The following SOAT1 variants were observed in gnomAD, a reference collection of about 807,000 sequenced individuals.
The protein encoded by SOAT1 is sterol O-acyltransferase 1.
Under a neutral mutation model 69.5 loss-of-function variants are expected in SOAT1, and 55 were observed. That is an observed-to-expected ratio of 0.79 (90% CI 0.64 to 0.99). SOAT1 has a LOEUF of 0.99. Ranked by LOEUF, SOAT1 falls within the 50% of genes least tolerant of loss-of-function variation. The pLI is 0.00. For missense variants in SOAT1, 580 were observed against 669.3 expected (o/e 0.87, Z 1.47); for synonymous variants, 231 against 224.7 (o/e 1.03, Z -0.25).
rs1362414322 is a variant in SOAT1 at position 179,342,165 on chromosome 1, G to A, written c.832G>A (p.Val278Ile). The A allele has an allele frequency of 9.9e-6, 16 of 1,613,232 alleles. No homozygotes were observed. The highest frequency in any genetic ancestry group is 1.3e-5 in the Non-Finnish European group (15 of 1,179,540). ...ATTTGTCAGAGAGAACGTGCCTCGG[G>A]TACTAAATTCAGCTAAGGAGAAATC... is the stretch of plus-strand genomic sequence containing the variant. ...HSFVRENVPR[V>I]LNSAKEKSST... The change falls in exon 8 of 16, where the codon GTA (valine) becomes ATA (isoleucine). Residue 278 changes from valine to isoleucine, a missense_variant. Transcript: ENST00000367619.
chr1:179,326,684 A>G (rs1665805689), intron 3 of SOAT1, among the ~76,000 whole-genome samples: 1 of 149,780 alleles, frequency 6.7e-6, no homozygotes, highest in South Asian at 2.1e-4. Context: ...AACCCTCCCC[A>G]GCAGCTGAGA....
At chr1:179,336,441 T>C (rs1277535742) in intron 4 of SOAT1, among the ~76,000 whole-genome samples, 1 of 123,066 alleles carries the variant, frequency 8.1e-6, no homozygotes, top group Non-Finnish European at 1.6e-5. Context: ...GCCACTGCAC[T>C]CCAGCCTGGG....
At chr1:179,327,127 C>T (rs1295142018) in intron 3 of SOAT1, among the ~76,000 whole-genome samples, 1 of 152,172 alleles carries the variant, frequency 6.6e-6, no homozygotes, top group Non-Finnish European at 1.5e-5. Context: ...TAATTGGTCA[C>T]ATTTTTTTAG....
chr1:179,340,770 AT>A (rs1171677898), intron 6 of SOAT1, among the ~76,000 whole-genome samples: 2 of 151,674 alleles, frequency 1.3e-5, no homozygotes. Flanking sequence ...TGAAGACTGT[AT>A]TTATCTTAGG....
At position 179,309,083 on chromosome 1, in the gene SOAT1, T is replaced by C. The variant is rs192213067; in HGVS notation, c.118+6281T>C. 5.0e-3 allele frequency among the ~76,000 whole-genome samples: 768 copies of C among 152,258 alleles called. 6 individuals carry two copies. The highest frequency in any genetic ancestry group is 0.032 in the South Asian group (156 of 4,832). On this transcript the variant is annotated intron_variant, in intron 2 of 15. Coordinates refer to ENST00000367619, the MANE Select transcript of SOAT1 (RefSeq NM_003101.6). ...TTGCTTACTTGTACTGGTATACCTATAGGATACATTCTTTTTTTGAGACGG... is the reference window on the plus strand; with the variant it reads ...TTGCTTACTTGTACTGGTATACCTACAGGATACATTCTTTTTTTGAGACGG...
chr1:179,339,579 T>C, intron 6 of SOAT1, 34 bp downstream of exon 6: 1 of 1,409,824 alleles, frequency 7.1e-7, no homozygotes, highest in Non-Finnish European at 9.9e-7. Flanking sequence ...GGCTAGTTGA[T>C]GCATGAGAAG....
chr1:179,350,242 A>T, intron 13 of SOAT1, 54 bp from the exon 14 acceptor site: 32 of 1,489,578 alleles, frequency 2.1e-5, no homozygotes, highest in Non-Finnish European at 2.8e-5. Context: ...TATATAATCC[A>T]TGCTTGCTTT....
Position 179,347,591 on chromosome 1 carries a change from T to C in SOAT1, c.1118-9T>C. 1 of 1,565,444 alleles carries C rather than the reference T, an allele frequency of 6.4e-7. No homozygotes were observed. Among genetic ancestry groups the C allele is most frequent in the African/African-American group, 1.4e-5 (1 of 73,868 alleles). On this transcript the variant is annotated splice_polypyrimidine_tract_variant and intron_variant, in intron 11 of 15. Coordinates refer to ENST00000367619, the MANE Select transcript of SOAT1 (RefSeq NM_003101.6). ...GAAAGACTGTTAATATTGTTAATCT[T>C]ATTTTTAGGTGTGCTGATTCTCTTC...
chr1:179,305,539 A>G (rs1571405955), intron 2 of SOAT1, among the ~76,000 whole-genome samples: 1 of 152,048 alleles, frequency 6.6e-6, no homozygotes, highest in Admixed American at 6.6e-5. Context: ...TGATGCTGCT[A>G]TGAACATTTG....
chr1:179,352,776 CT>C (rs112734165), intron 15 of SOAT1, among the ~76,000 whole-genome samples: 3,067 of 152,118 alleles, frequency 0.02, 99 homozygotes, highest in African/African-American at 0.07. Flanking sequence ...AGCTTCCCCT[CT>C]TTCTGTGTAC....
chr1:179,312,225 T>G (rs1042147828), intron 2 of SOAT1, among the ~76,000 whole-genome samples: 27 of 152,186 alleles, frequency 1.8e-4, no homozygotes. Flanking sequence ...GGGCCTATTT[T>G]CCTAACTTTT....
At chr1:179,298,176 C>T (rs1029191122) in intron 1 of SOAT1, among the ~76,000 whole-genome samples, 3 of 151,442 alleles carry the variant, frequency 2.0e-5, no homozygotes, top group African/African-American at 4.9e-5. Flanking sequence ...CCTCCACCTC[C>T]GGGTTCAAGC....
Position 179,337,488 on chromosome 1 carries a change from G to A in SOAT1, c.330-349G>A, listed in dbSNP as rs116728155. ...ATCTCTACAAGAAGGAAAAGTGATTGCCAAAGTCCATAGGGGCTGAGTGTG... is the reference window on the plus strand; with the variant it reads ...ATCTCTACAAGAAGGAAAAGTGATTACCAAAGTCCATAGGGGCTGAGTGTG... On this transcript the variant is annotated intron_variant, in intron 4 of 15. Coordinates refer to ENST00000367619, the MANE Select transcript of SOAT1 (RefSeq NM_003101.6). Among the ~76,000 whole-genome samples, 468 of 152,208 alleles carry A rather than the reference G, an allele frequency of 3.1e-3. 2 individuals are homozygous for A. Among genetic ancestry groups the A allele is most frequent in the African/African-American group, 0.01 (431 of 41,484 alleles).
intron 6 of SOAT1, 99 bp from the exon 7 acceptor site, chr1:179,340,929 A>G (rs1666313725): frequency 9.4e-7 from 1 of 1,063,816 alleles, no homozygotes; most frequent in Non-Finnish European, 1.4e-6. Context: ...GGTGTTTCCT[A>G]AGGTTGAAAG....
Position 179,351,017 on chromosome 1 carries a change from C to CTTTTTTTTTT in SOAT1, c.1451-297_1451-296insTTTTTTTTTT, listed in dbSNP as rs1558060562. ...ATTATGTTTTGATACCTGTATATTTCTTTCTTTTTTTTTTTTTTTTTTTTT... is the reference window on the plus strand; with the variant it reads ...ATTATGTTTTGATACCTGTATATTTCTTTTTTTTTTTTTCTTTTTTTTTTTTTTTTTTTTT... On this transcript the variant is annotated intron_variant, in intron 14 of 15. Coordinates refer to ENST00000367619, the MANE Select transcript of SOAT1 (RefSeq NM_003101.6). 1.9e-3 allele frequency among the ~76,000 whole-genome samples: 26 copies of CTTTTTTTTTT among 13,946 alleles called. 1 individual carries two copies. The highest frequency in any genetic ancestry group is 6.2e-3 in the African/African-American group (20 of 3,238). The allele number at this position is 13,946 out of a possible 152,430, so 9.1% of individuals were successfully genotyped here. A position where few individuals can be genotyped will look rare whatever the true frequency, so the allele number is the denominator to read the frequency against.
intron 1 of SOAT1, chr1:179,294,266 A>C (rs1262318606): frequency 6.6e-6 from 1 of 152,182 alleles, no homozygotes; most frequent in African/African-American, 2.4e-5. Context: ...CCAAAAATGC[A>C]CTCAGGAAGT....
chr1:179,306,736 C>T (rs1467770762), intron 2 of SOAT1, among the ~76,000 whole-genome samples: 1 of 146,654 alleles, frequency 6.8e-6, no homozygotes, highest in Non-Finnish European at 1.5e-5. Context: ...GAGGCTGAGG[C>T]AGGAGAATGG....
At chr1:179,315,948 ATTC>A (rs1487962808) in intron 2 of SOAT1, among the ~76,000 whole-genome samples, 1 of 152,222 alleles carries the variant, frequency 6.6e-6, no homozygotes, top group Non-Finnish European at 1.5e-5. Context: ...TTAAAAATAT[ATTC>A]TTTAACTTAT....
At chr1:179,314,946 AG>A (rs1346416472) in intron 2 of SOAT1, among the ~76,000 whole-genome samples, 1 of 152,170 alleles carries the variant, frequency 6.6e-6, no homozygotes, top group African/African-American at 2.4e-5. Flanking sequence ...AATGTTGAAT[AG>A]TTTTCCTTAT....
Sources: allele counts gnomAD v4.1 joint callset (sites outside exome capture counted in the v4.1 genomes callset), GRCh38; gene constraint gnomAD v4.1.1; transcripts MANE v1.5; gene names NCBI Gene and HGNC (gene_info 2026-07-23, HGNC 2026-07-21).